Variants in CTSK observed in about 807,000 individuals in gnomAD.
CTSK encodes the protein cathepsin O.
In CTSK, 26 loss-of-function variants were observed where a neutral mutation model predicts 40.5. The ratio of observed to expected loss-of-function variants is 0.64; its 90% CI spans 0.47 to 0.89. The LOEUF (loss-of-function observed/expected upper bound fraction) is 0.89. CTSK is among the 40% of genes least tolerant of loss of function. The pLI is 0.00. For missense variants in CTSK, 292 were observed against 400.1 expected, an observed-to-expected ratio of 0.73 and a Z score of 2.30; for synonymous variants, 132 against 143.2, an observed-to-expected ratio of 0.92 and a Z score of 0.56.
intron 7 of CTSK, 65 bp from the exon 8 acceptor site, chr1:150,796,963 G>C (rs760155011): frequency 1.7e-6 from 2 of 1,143,520 alleles, no homozygotes; most frequent in Non-Finnish European, 2.7e-6. Context: ...AATATTTACT[G>C]AGTATTGTGC....
Position 150,796,757 on chromosome 1 carries a change from G to T in CTSK, c.*42C>A. 1 of 1,379,012 alleles carries T rather than the reference G, an allele frequency of 7.3e-7. No individual in the cohort carries two copies. The highest frequency in any genetic ancestry group is 1.0e-6 in the Non-Finnish European group (1 of 965,312). The allele number at this position is 1,379,012 out of a possible 1,614,324, so 85.4% of individuals were successfully genotyped here. Reference sequence around the variant, plus strand: ...AAGTGCATCGTTACACTGCACCATCGTGGAAGAAATGGAAGAGCAGGATGG... The same window carrying T: ...AAGTGCATCGTTACACTGCACCATCTTGGAAGAAATGGAAGAGCAGGATGG... On this transcript the variant is annotated 3_prime_UTR_variant, in exon 8 of 8. Transcript: ENST00000271651.
chr1:150,806,224 C>G lies in CTSK; in HGVS notation c.121G>C (p.Val41Leu), dbSNP rs1654090957. The change falls in exon 3 of 8, where the codon GTG becomes CTG. Residue 41 changes from valine (V) to leucine (L), a missense_variant and splice_region_variant. Physicochemically the swap from Val to Leu is conservative, Grantham distance 32. Transcript: ENST00000271651. ...KTHRKQYNNK[V>L]DEISRRLIWE... ...ATTAAACGCCGAGAGATTTCATCCACCTAAACAAAGCATAGTCAGTACTTG... is the reference window on the plus strand; with the variant it reads ...ATTAAACGCCGAGAGATTTCATCCAGCTAAACAAAGCATAGTCAGTACTTG... The G allele has an allele frequency of 2.5e-6, 4 of 1,613,746 alleles. No homozygotes were observed. Among genetic ancestry groups the G allele is most frequent in the African/African-American group, 1.3e-5 (1 of 74,874 alleles).
chr1:150,797,090 C>T (rs2101946148), intron 7 of CTSK, among the ~76,000 whole-genome samples, 192 bp from the exon 8 acceptor site: 1 of 152,248 alleles, frequency 6.6e-6, no homozygotes, highest in Admixed American at 6.5e-5. Flanking sequence ...AAGATTCCTT[C>T]TGATCAAGAG....
chr1:150,805,835 T>G (rs1433582110), intron 4 of CTSK, 26 bp downstream of exon 4: 1 of 1,613,380 alleles, frequency 6.2e-7, no homozygotes. Context: ...AGATTACATA[T>G]GCACACCCAG....
intron 4 of CTSK, among the ~76,000 whole-genome samples, chr1:150,805,356 GA>G (rs1654065211): frequency 6.6e-6 from 1 of 151,590 alleles, no homozygotes; most frequent in Admixed American, 6.6e-5. Context: ...TTGTAATAAA[GA>G]AAAACCAGGC....
In CTSK at chr1:150,799,085, G is replaced by C. The variant is rs1571123192; in HGVS notation, c.890+83C>G. ...GATAATTTTTTCTTGATTTGGGACA[G>C]AGAAAGGAATATCGGGAAGCTGGAG... On this transcript the variant is annotated intron_variant, in intron 7 of 7. Coordinates refer to ENST00000271651, the MANE Select transcript of CTSK (RefSeq NM_000396.4). 3 of 939,262 alleles carry C rather than the reference G, an allele frequency of 3.2e-6. No individual in the cohort carries two copies. In the East Asian group the frequency reaches 7.2e-5, roughly 22 times the overall value. The allele number at this position is 939,262 out of a possible 1,614,324, so 58.2% of individuals were successfully genotyped here. A position where few individuals can be genotyped will look rare whatever the true frequency, so the allele number is the denominator to read the frequency against.
chr1:150,807,005 T>TTCTCTCTCTCTCTCTCTCTCTCTCTCTC lies in CTSK; in HGVS notation c.-1-200_-1-199insGAGAGAGAGAGAGAGAGAGAGAGAGAGA, dbSNP rs71659432. Among the ~76,000 whole-genome samples the TTCTCTCTCTCTCTCTCTCTCTCTCTCTC allele has an allele frequency of 6.5e-5, 9 of 139,056 alleles. No homozygotes were observed. In the South Asian group the frequency reaches 7.3e-4, roughly 11 times the overall value. The allele number at this position is 139,056 out of a possible 152,430, so 91.2% of individuals were successfully genotyped here. A position where few individuals can be genotyped will look rare whatever the true frequency, so the allele number is the denominator to read the frequency against. On this transcript the variant is annotated intron_variant, in intron 1 of 7. Transcript: ENST00000271651. Reference sequence around the variant, plus strand: ...TAGGGGGATTTAGCCATTTCTCTCTTTCTCTCTCTCTCTCTCTCTCGGGAG... The same window carrying TTCTCTCTCTCTCTCTCTCTCTCTCTCTC: ...TAGGGGGATTTAGCCATTTCTCTCTTTCTCTCTCTCTCTCTCTCTCTCTCTCTCTCTCTCTCTCTCTCTCTCTCGGGAG...
Position 150,804,049 on chromosome 1 carries a change from G to C in CTSK, c.590C>G (p.Ser197Cys), listed in dbSNP as rs1271585034. Residue 197 changes from serine (S) to cysteine (C), a missense_variant, in exon 5 of 8, where the codon TCT becomes TGT. Ser to Cys is a moderately radical substitution (Grantham distance 112). Coordinates refer to ENST00000271651, the MANE Select transcript of CTSK (RefSeq NM_000396.4). ...QYVQKNRGID[S>C]EDAYPYVGQE... is the part of the protein sequence containing the mutation. Reference sequence around the variant, plus strand: ...TCCCACATATGGGTAGGCATCTTCAGAGTCAATACCCCGGTTCTTCTGCAC... The same window carrying C: ...TCCCACATATGGGTAGGCATCTTCACAGTCAATACCCCGGTTCTTCTGCAC... 2 of 1,614,104 alleles carry C rather than the reference G, an allele frequency of 1.2e-6. No homozygotes were observed. The highest frequency in any genetic ancestry group is 1.3e-5 in the African/African-American group (1 of 74,934).
Position 150,796,731 on chromosome 1 carries a change from A to G in CTSK, c.*68T>C. The G allele has an allele frequency of 9.1e-7, 1 of 1,103,076 alleles. No homozygotes were observed. Among genetic ancestry groups the G allele is most frequent in the Non-Finnish European group, 1.4e-6 (1 of 713,138 alleles). 68.3% of individuals were successfully genotyped at this position (1,103,076 alleles called of 1,614,324 possible). A position where few individuals can be genotyped will look rare whatever the true frequency, so the allele number is the denominator to read the frequency against. On this transcript the variant is annotated 3_prime_UTR_variant, in exon 8 of 8. Coordinates refer to ENST00000271651, the MANE Select transcript of CTSK (RefSeq NM_000396.4). ...AAAAATAGCACACCAACTCCCTTCC[A>G]AAGTGCATCGTTACACTGCACCATC...
intron 7 of CTSK, among the ~76,000 whole-genome samples, chr1:150,798,807 C>G (rs778068637): frequency 4.6e-5 from 7 of 152,174 alleles, no homozygotes; most frequent in African/African-American, 9.7e-5. Context: ...CTCTCTTGCT[C>G]CCTCTCTCAC....
At chr1:150,799,788 T>C (rs1653951143) in intron 5 of CTSK, 79 bp from the exon 6 acceptor site, 1 of 1,319,952 alleles carries the variant, frequency 7.6e-7, no homozygotes, top group African/African-American at 1.4e-5. Flanking sequence ...CAACCAATAT[T>C]TTGAGTGATG....
At chr1:150,799,054 CT>C (rs2101947488) in intron 7 of CTSK, 113 bp downstream of exon 7, 1 of 762,718 alleles carries the variant, frequency 1.3e-6, no homozygotes, top group East Asian at 2.6e-5. Flanking sequence ...GAAGTGAGAA[CT>C]CTGAGATAAT....
Position 150,799,372 on chromosome 1 carries a change from C to G in CTSK, c.785-99G>C, listed in dbSNP as rs142700388. 1.2e-5 allele frequency: 15 copies of G among 1,240,684 alleles called. No homozygotes were observed. The African/African-American group carries it at 2.1e-4, about 17-fold the overall frequency. 76.9% of individuals were successfully genotyped at this position (1,240,684 alleles called of 1,614,324 possible). ...ACTGTTTGAAGAATTCCATCCGTGT[C>G]AGGAGGGTTTACCACAGAGATGCTG... On this transcript the variant is annotated intron_variant, in intron 6 of 7. Coordinates refer to ENST00000271651, the MANE Select transcript of CTSK (RefSeq NM_000396.4).
At position 150,804,389 on chromosome 1, in the gene CTSK, T is replaced by C. The variant is rs1557826000; in HGVS notation, c.400-150A>G. Reference sequence around the variant, plus strand: ...TCTTCCTCTTCCGCTTAATATCTGTTGCACTGTTCTACTGCTATTGATTTT... The same window carrying C: ...TCTTCCTCTTCCGCTTAATATCTGTCGCACTGTTCTACTGCTATTGATTTT... On this transcript the variant is annotated intron_variant, in intron 4 of 7. Coordinates refer to ENST00000271651, the MANE Select transcript of CTSK (RefSeq NM_000396.4). 7.0e-6 allele frequency: 5 copies of C among 717,288 alleles called. No individual in the cohort carries two copies. In the East Asian group the frequency reaches 1.3e-4, roughly 19 times the overall value. The allele number at this position is 717,288 out of a possible 1,614,324, so 44.4% of individuals were successfully genotyped here.
intron 2 of CTSK, 94 bp downstream of exon 2, chr1:150,806,592 A>C: frequency 1.3e-6 from 2 of 1,531,344 alleles, no homozygotes. Context: ...TGCTTGGAAT[A>C]AAGCATTTGG....
chr1:150,801,766 C>T (rs1206186390), intron 5 of CTSK, among the ~76,000 whole-genome samples: 1 of 151,484 alleles, frequency 6.6e-6, no homozygotes, highest in East Asian at 2.0e-4. Context: ...GTCTTGATCT[C>T]CTGACCTTGT....
chr1:150,805,442 C>T (rs1436106661), intron 4 of CTSK, among the ~76,000 whole-genome samples: 1 of 151,516 alleles, frequency 6.6e-6, no homozygotes, highest in Non-Finnish European at 1.5e-5. Context: ...CAGTTCAAGA[C>T]CAGCCTGGCC....
chr1:150,796,857 G>A lies in CTSK; in HGVS notation c.932C>T (p.Ala311Val), dbSNP rs1653885392. 2 of 1,613,992 alleles carry A rather than the reference G, an allele frequency of 1.2e-6. No individual in the cohort carries two copies. Among genetic ancestry groups the A allele is most frequent in the East Asian group, 4.5e-5 (2 of 44,898 alleles). Residue 311 changes from alanine to valine, a missense_variant, in exon 8 of 8, where the codon GCT becomes GTT. Coordinates refer to ENST00000271651, the MANE Select transcript of CTSK (RefSeq NM_000396.4). Reference sequence around the variant, plus strand: ...GCCACAGGCGTTGTTCTTATTTCGAGCCATGAGGATATATCCTTTGTTTCC... The same window carrying A: ...GCCACAGGCGTTGTTCTTATTTCGAACCATGAGGATATATCCTTTGTTTCC... ...NWGNKGYILM[A>V]RNKNNACGIA...
At chr1:150,805,773 G>T (rs1654077681) in intron 4 of CTSK, 88 bp downstream of exon 4, 5 of 1,358,344 alleles carry the variant, frequency 3.7e-6, no homozygotes, top group African/African-American at 1.4e-5. Context: ...CTCTTTTCCT[G>T]GTGCCCTTTC....
Sources: gnomAD v4.1 joint callset for allele counts (sites outside exome capture counted in the v4.1 genomes callset) on GRCh38, gnomAD v4.1.1 for gene constraint, MANE v1.5 for transcripts, NCBI Gene and HGNC (gene_info 2026-07-23, HGNC 2026-07-21) for gene names.